The following OTOGL variants were observed in gnomAD, a reference collection of about 807,000 sequenced individuals.
The protein encoded by OTOGL is otogelin like, also known as otogelin-like protein.
In OTOGL, 285 loss-of-function variants were observed where a neutral mutation model predicts 318.5. The ratio of observed to expected loss-of-function variants is 0.89; its 90% CI spans 0.81 to 0.99. The LOEUF (loss-of-function observed/expected upper bound fraction) is 0.99, where lower values mean the gene tolerates loss of function less well. Ranked by LOEUF, OTOGL falls within the 50% of genes least tolerant of loss-of-function variation. The pLI, the probability that OTOGL is intolerant of heterozygous loss-of-function variation, is 0.00. For synonymous variants in OTOGL, 987 were observed against 936.5 expected (o/e 1.05, Z -0.99); for missense variants, 2,899 against 2,845.6 (o/e 1.02, Z -0.43).
chr12:80,279,594 AGCTGCATCCAT>A (rs141400062), intron 26 of OTOGL, among the ~76,000 whole-genome samples: 1,795 of 151,828 alleles, frequency 0.012, 50 homozygotes, highest in South Asian at 0.11. Context: ...AATGGTCTCC[AGCTGCATCCAT>A]GTTGCTGCAA....
intron 30 of OTOGL, among the ~76,000 whole-genome samples, chr12:80,312,822 T>C (rs929255214): frequency 6.6e-6 from 1 of 151,774 alleles, no homozygotes; most frequent in Non-Finnish European, 1.5e-5. Context: ...TTCTTCTTCT[T>C]TTTTTTTATT....
At position 80,367,723 on chromosome 12, in the gene OTOGL, C is replaced by A. The variant is rs537664532; in HGVS notation, c.6494C>A (p.Ser2165Ter). The change falls in exon 54 of 59, where the codon TCA becomes TAA. Residue 2165 changes from serine to a stop codon, truncating the protein, a stop_gained. Transcript: ENST00000547103. LOFTEE classifies it high-confidence loss of function. ...HTLNFTLVNC[S>*]KKCDVHQVYT... ...CTGAATTTTACACTGGTGAATTGTT[C>A]AAAAAAATGTGATGTTGTAAGTATT... 33 of 1,413,500 alleles carry A rather than the reference C, an allele frequency of 2.3e-5. No homozygotes were observed. The East Asian group carries it at 6.5e-4, about 28-fold the overall frequency. The allele number at this position is 1,413,500 out of a possible 1,614,324, so 87.6% of individuals were successfully genotyped here.
intron 1 of OTOGL, among the ~76,000 whole-genome samples, chr12:80,208,551 G>C (rs1238637759): frequency 6.6e-6 from 1 of 152,118 alleles, no homozygotes; most frequent in Non-Finnish European, 1.5e-5. Context: ...CTAAGGTGTG[G>C]GGCTCAGATC....
chr12:80,322,595 G>A lies in OTOGL; in HGVS notation c.4082-1128G>A, dbSNP rs527340775. Among the ~76,000 whole-genome samples, 269 of 152,288 alleles carry A rather than the reference G, an allele frequency of 1.8e-3. 2 individuals are homozygous for A. Among genetic ancestry groups the A allele is most frequent in the African/African-American group, 5.9e-3 (247 of 41,558 alleles). On this transcript the variant is annotated intron_variant, in intron 34 of 58. Transcript: ENST00000547103. ...ATTGAATTCTGTGTCCAGAGTCCAA[G>A]AAACATACCTGCTTCCTGAATTTTC...
intron 26 of OTOGL, among the ~76,000 whole-genome samples, chr12:80,287,087 G>C (rs1592659093): frequency 6.7e-6 from 1 of 148,632 alleles, no homozygotes; most frequent in East Asian, 1.9e-4. Flanking sequence ...AGAGATTCTG[G>C]TACGTTGTGT....
chr12:80,340,874 C>G (rs1888723280), intron 43 of OTOGL, among the ~76,000 whole-genome samples: 1 of 151,302 alleles, frequency 6.6e-6, no homozygotes, highest in Admixed American at 6.6e-5. Flanking sequence ...CTAGAAATTA[C>G]CTTTCTCTAG....
intron 1 of OTOGL, among the ~76,000 whole-genome samples, chr12:80,124,443 T>C (rs1212977297): frequency 6.6e-6 from 1 of 152,218 alleles, no homozygotes; most frequent in Non-Finnish European, 1.5e-5. Flanking sequence ...TACTGTAGCC[T>C]TGTAGTATGG....
In OTOGL at chr12:80,209,486, C is replaced by A; in HGVS notation, c.55C>A (p.His19Asn). 6.6e-7 allele frequency: 1 copy of A among 1,504,592 alleles called. No individual in the cohort carries two copies. The highest frequency in any genetic ancestry group is 8.9e-7 in the Non-Finnish European group (1 of 1,121,122). The allele number at this position is 1,504,592 out of a possible 1,614,324, so 93.2% of individuals were successfully genotyped here. Reference sequence around the variant, plus strand: ...GATACCTTGGAGTATATTCTTGCTTCATGTACTGCTGTTTTCATTACAAGG... The same window carrying A: ...GATACCTTGGAGTATATTCTTGCTTAATGTACTGCTGTTTTCATTACAAGG... ...LMIPWSIFLL[H>N]VLLFSLQEYI... Residue 19 changes from histidine (H) to asparagine (N), a missense_variant, in exon 2 of 59, where the codon CAT (histidine) becomes AAT (asparagine). Around this residue, in one of 3 missense-constraint regions of OTOGL, gnomAD observed 2,607 missense variants for 2,524.9 expected, o/e 1.03. Transcript: ENST00000547103.
chr12:80,255,082 A>G lies in OTOGL; in HGVS notation c.1484A>G (p.Asp495Gly). The G allele has an allele frequency of 6.6e-7, 1 of 1,516,368 alleles. No homozygotes were observed. The highest frequency in any genetic ancestry group is 8.8e-7 in the Non-Finnish European group (1 of 1,135,204). 93.9% of individuals were successfully genotyped at this position (1,516,368 alleles called of 1,614,324 possible). The change falls in exon 16 of 59, where the codon GAT becomes GGT. Residue 495 changes from aspartate (D) to glycine (G), a missense_variant. This residue lies in a region of OTOGL where 2,607 missense variants were observed against 2,524.9 expected (regional missense o/e 1.03). Coordinates refer to ENST00000547103, the MANE Select transcript of OTOGL (RefSeq NM_001378609.3). ...VVGDSHFTTF[D>G]GRHYSFIGMC... ...GGTGATTCTCACTTTACAACTTTTGATGGTCGACATTATTCTTTTATTGGC... is the reference window on the plus strand; with the variant it reads ...GGTGATTCTCACTTTACAACTTTTGGTGGTCGACATTATTCTTTTATTGGC...
Position 80,328,704 on chromosome 12 carries a change from C to A in OTOGL, c.4239C>A (p.Ile1413=). Reference sequence around the variant, plus strand: ...TGCCCTACTGCCCTAAAAATATGATCCTTGATGAGGTCACCCTCAAGTGTG... The same window carrying A: ...TGCCCTACTGCCCTAAAAATATGATACTTGATGAGGTCACCCTCAAGTGTG... ...GCLPYCPKNM[I]LDEVTLKCVY... is the part of the protein sequence containing the mutation. Residue 1413 remains isoleucine (I), a synonymous_variant, in exon 36 of 59, where the codon ATC becomes ATA. Transcript: ENST00000547103. 6.2e-7 allele frequency: 1 copy of A among 1,606,910 alleles called. No individual in the cohort carries two copies.
chr12:80,320,873 G>C (rs1887290465), intron 34 of OTOGL, among the ~76,000 whole-genome samples, 173 bp downstream of exon 34: 1 of 151,952 alleles, frequency 6.6e-6, no homozygotes, highest in African/African-American at 2.4e-5. Flanking sequence ...ATACGTATTG[G>C]AGAAATAATA....
At chr12:80,322,161 A>G (rs965352025) in intron 34 of OTOGL, among the ~76,000 whole-genome samples, 1 of 152,204 alleles carries the variant, frequency 6.6e-6, no homozygotes, top group African/African-American at 2.4e-5. Context: ...GAAAGCAAGG[A>G]GAACCAAGGG....
chr12:80,147,282 A>G (rs886568635), intron 1 of OTOGL, among the ~76,000 whole-genome samples: 10 of 146,268 alleles, frequency 6.8e-5, no homozygotes, highest in Non-Finnish European at 1.0e-4. Flanking sequence ...TTCAAAGAAC[A>G]TCTTTATTTC....
intron 24 of OTOGL, among the ~76,000 whole-genome samples, chr12:80,273,091 A>G (rs1393209545): frequency 2.6e-5 from 4 of 152,016 alleles, no homozygotes; most frequent in East Asian, 3.9e-4. Context: ...CACCTTTGAT[A>G]TTTAGTTGGA....
At chr12:80,163,462 C>G (rs144015989) in intron 1 of OTOGL, among the ~76,000 whole-genome samples, 1 of 152,128 alleles carries the variant, frequency 6.6e-6, no homozygotes, top group African/African-American at 2.4e-5. Flanking sequence ...TCAAGCAGAT[C>G]AACGTTTCTG....
intron 1 of OTOGL, among the ~76,000 whole-genome samples, chr12:80,198,171 C>T (rs1876211752): frequency 6.6e-6 from 1 of 152,190 alleles, no homozygotes; most frequent in African/African-American, 2.4e-5. Flanking sequence ...CTCTCACCCC[C>T]TGGAGTAGAA....
At chr12:80,189,501 T>A in intron 1 of OTOGL, 1 of 962,828 alleles carries the variant, frequency 1.0e-6, no homozygotes, top group Non-Finnish European at 1.2e-6. Flanking sequence ...TTAGCAAAAA[T>A]TGTTTAGTAC....
intron 1 of OTOGL, among the ~76,000 whole-genome samples, chr12:80,108,294 A>G (rs1489589221): frequency 2.0e-5 from 3 of 152,032 alleles, no homozygotes; most frequent in South Asian, 2.1e-4. Context: ...CTGATTAATT[A>G]TTCTGTTATA....
In OTOGL at chr12:80,242,905, T is replaced by C. The variant is rs149297385; in HGVS notation, c.1052+3466T>C. 8.4e-3 allele frequency among the ~76,000 whole-genome samples: 1,275 copies of C among 152,268 alleles called. 27 individuals are homozygous for C. The highest frequency in any genetic ancestry group is 0.029 in the African/African-American group (1,222 of 41,572). The stretch of plus-strand genomic sequence containing the variant: ...GATAACATTTGACTTGGAACTTGTG[T>C]GATACTCCACCAATCCTTGAATTAT... On this transcript the variant is annotated intron_variant, in intron 11 of 58. Coordinates refer to ENST00000547103, the MANE Select transcript of OTOGL (RefSeq NM_001378609.3).
Sources: gnomAD v4.1 joint callset for allele counts (sites outside exome capture counted in the v4.1 genomes callset) on GRCh38, gnomAD v4.1.1 for gene constraint, gnomAD v4.1.1 regional missense constraint, MANE v1.5 for transcripts, NCBI Gene and HGNC (gene_info 2026-07-23, HGNC 2026-07-21) for gene names.